Variants in FAT3 observed in about 807,000 individuals in gnomAD.
FAT3 encodes FAT atypical cadherin 3, also known as protocadherin Fat 3.
Under a neutral mutation model 310.2 loss-of-function variants are expected in FAT3, and 95 were observed. That is an observed-to-expected ratio of 0.31 (90% CI 0.26 to 0.36). The LOEUF (loss-of-function observed/expected upper bound fraction) is 0.36. Among genes scored for constraint, FAT3 ranks in the 10% least tolerant of loss-of-function variants. The pLI is 1.00. For synonymous variants in FAT3, 2,314 were observed against 2,192.9 expected (o/e 1.06, Z -1.54); for missense variants, 5,408 against 5,715.6 (o/e 0.95, Z 1.74).
chr11:92,760,754 G>A (rs1229210741), intron 4 of FAT3, among the ~76,000 whole-genome samples: 1 of 152,174 alleles, frequency 6.6e-6, no homozygotes, highest in African/African-American at 2.4e-5. Context: ...CTATCGACAT[G>A]TTAGGTGTTA....
chr11:92,452,854 C>T (rs1476484061), intron 2 of FAT3, among the ~76,000 whole-genome samples: 1 of 152,114 alleles, frequency 6.6e-6, no homozygotes, highest in Non-Finnish European at 1.5e-5. Flanking sequence ...CCTTGACCTT[C>T]TCCCCACAAC....
intron 4 of FAT3, among the ~76,000 whole-genome samples, chr11:92,706,154 C>T (rs930998278): frequency 1.3e-5 from 2 of 151,882 alleles, no homozygotes; most frequent in African/African-American, 4.8e-5. Context: ...GTTTACTATT[C>T]CTAATTTTAC....
At chr11:92,626,779 C>T (rs937344825) in intron 3 of FAT3, among the ~76,000 whole-genome samples, 18 of 152,148 alleles carry the variant, frequency 1.2e-4, no homozygotes, top group Non-Finnish European at 2.6e-4. Context: ...TGTCACAGGG[C>T]TGTCAGGGCA....
At chr11:92,576,957 TAC>T (rs1362679504) in intron 3 of FAT3, among the ~76,000 whole-genome samples, 1 of 152,162 alleles carries the variant, frequency 6.6e-6, no homozygotes, top group African/African-American at 2.4e-5. Flanking sequence ...CACTATGCTG[TAC>T]ACAGTTTATT....
rs149118545 is a variant in FAT3 at position 92,800,383 on chromosome 11, G to A, written c.7370G>A (p.Arg2457Gln). 199 of 1,613,902 alleles carry A rather than the reference G, an allele frequency of 1.2e-4. No homozygotes were observed. In the African/African-American group the frequency reaches 1.6e-3, roughly 13 times the overall value. ...KSGVITLSNH[R>Q]KQRMEPLYSL... ...GGAGTTATCACATTGTCCAACCATCGGAAGCAGCGGATGGAGCCTCTGTAC... is the reference window on the plus strand; with the variant it reads ...GGAGTTATCACATTGTCCAACCATCAGAAGCAGCGGATGGAGCCTCTGTAC... Residue 2457 changes from arginine (R) to glutamine (Q), a missense_variant, in exon 10 of 28, where the codon CGG (arginine) becomes CAG (glutamine). Arg to Gln is a conservative substitution (Grantham distance 43, BLOSUM62 1). Around this residue, in one of 5 missense-constraint regions of FAT3, gnomAD observed 4,588 missense variants for 4,809.8 expected, o/e 0.95. Transcript: ENST00000525166.
intron 6 of FAT3, among the ~76,000 whole-genome samples, chr11:92,767,578 G>T (rs922032005): frequency 4.6e-5 from 7 of 152,162 alleles, no homozygotes; most frequent in Non-Finnish European, 7.3e-5. Context: ...CCAGCTGCCT[G>T]ACCCTAGTTA....
intron 3 of FAT3, among the ~76,000 whole-genome samples, chr11:92,537,932 G>A (rs181432030): frequency 6.6e-6 from 1 of 152,138 alleles, no homozygotes; most frequent in East Asian, 1.9e-4. Flanking sequence ...GGTAAGTGGG[G>A]GAGATATCAG....
chr11:92,240,106 A>G (rs1047887638), intron 1 of FAT3, among the ~76,000 whole-genome samples: 1 of 152,118 alleles, frequency 6.6e-6, no homozygotes, highest in Non-Finnish European at 1.5e-5. Flanking sequence ...TTATGACAGA[A>G]ATGAGCAGAT....
At position 92,883,171 on chromosome 11, in the gene FAT3, C is replaced by G. The variant is rs948202155; in HGVS notation, c.12715C>G (p.Pro4239Ala). The G allele has an allele frequency of 6.2e-7, 1 of 1,613,542 alleles. No homozygotes were observed. Among genetic ancestry groups the G allele is most frequent in the Non-Finnish European group, 8.5e-7 (1 of 1,179,844 alleles). ...CCCCGTGCGCCCCATGGCCTACACA[C>G]CCTGCTTCCAGAGTGACTCCAGGAG... ...QVPVRPMAYTPCFQSDSRSNL... is the reference protein window; with the variant it reads ...QVPVRPMAYTACFQSDSRSNL... Residue 4239 changes from proline to alanine, a missense_variant, in exon 24 of 28, where the codon CCC becomes GCC. Physicochemically the swap from Pro to Ala is conservative, Grantham distance 27 (BLOSUM62 -1). Coordinates refer to ENST00000525166, the MANE Select transcript of FAT3 (RefSeq NM_001367949.2). The surrounding 1 kb of genome is among the most constrained non-coding windows in gnomAD (Gnocchi z 4.2).
Position 92,355,196 on chromosome 11 carries a change from G to T in FAT3, c.3084G>T (p.Glu1028Asp). 6.2e-7 allele frequency: 1 copy of T among 1,613,708 alleles called. No individual in the cohort carries two copies. Residue 1028 changes from glutamate to aspartate, a missense_variant, in exon 2 of 28, where the codon GAG becomes GAT. By Grantham distance (45) the Glu-to-Asp change is conservative. Coordinates refer to ENST00000525166, the MANE Select transcript of FAT3 (RefSeq NM_001367949.2). ...CTCTGTCATCTGTTTCCTTTGTTGA[G>T]GTGGAAGTGGTGGATGTCAATGAAA... is the stretch of plus-strand genomic sequence containing the variant. ...PVSLSSVSFV[E>D]VEVVDVNENL...
chr11:92,765,148 G>GTA, intron 6 of FAT3, 59 bp downstream of exon 6: 2 of 1,069,996 alleles, frequency 1.9e-6, no homozygotes, highest in Non-Finnish European at 2.4e-6. Context: ...GAAGCAACTA[G>GTA]GAAAAAAAAA....
Position 92,524,689 on chromosome 11 carries a change from A to G in FAT3, c.3348A>G (p.Leu1116=). The change falls in exon 3 of 28, where the codon CTA becomes CTG. Residue 1116 remains leucine (L), a synonymous_variant. Coordinates refer to ENST00000525166, the MANE Select transcript of FAT3 (RefSeq NM_001367949.2). Reference sequence around the variant, plus strand: ...GGGAGACAATGGGGTCATACTGGCTAACAGTGTATGCCACAGACAGGGGCG... The same window carrying G: ...GGGAGACAATGGGGTCATACTGGCTGACAGTGTATGCCACAGACAGGGGCG... ...LDRETMGSYW[L]TVYATDRGVV... 1 of 1,613,850 alleles carries G rather than the reference A, an allele frequency of 6.2e-7. No individual in the cohort carries two copies. The highest frequency in any genetic ancestry group is 8.5e-7 in the Non-Finnish European group (1 of 1,179,824).
intron 4 of FAT3, among the ~76,000 whole-genome samples, chr11:92,730,571 G>C (rs1486022246): frequency 6.6e-6 from 1 of 152,094 alleles, no homozygotes; most frequent in Non-Finnish European, 1.5e-5. Flanking sequence ...GGTTTATACA[G>C]AATTTAAGTT....
At chr11:92,645,392 T>C (rs2135740238) in intron 3 of FAT3, among the ~76,000 whole-genome samples, 1 of 152,242 alleles carries the variant, frequency 6.6e-6, no homozygotes, top group Non-Finnish European at 1.5e-5. Flanking sequence ...CTACGCTGGT[T>C]AGGGAATAAC....
At chr11:92,852,477 G>A (rs563198312) in intron 19 of FAT3, among the ~76,000 whole-genome samples, 1 of 152,202 alleles carries the variant, frequency 6.6e-6, no homozygotes, top group South Asian at 2.1e-4. Context: ...AAATGTTTAT[G>A]GCTGAGCATT....
intron 3 of FAT3, among the ~76,000 whole-genome samples, chr11:92,644,018 A>G (rs1385652521): frequency 6.6e-6 from 1 of 152,206 alleles, no homozygotes; most frequent in African/African-American, 2.4e-5. Flanking sequence ...CATATCAGGG[A>G]GAATAAAGTG....
rs149688073 is a variant in FAT3 at position 92,755,672 on chromosome 11, A to T, written c.3670-6184A>T. 2.6e-3 allele frequency among the ~76,000 whole-genome samples: 402 copies of T among 152,354 alleles called. 1 individual carries two copies. Among genetic ancestry groups the T allele is most frequent in the African/African-American group, 9.2e-3 (383 of 41,576 alleles). On this transcript the variant is annotated intron_variant, in intron 4 of 27. Coordinates refer to ENST00000525166, the MANE Select transcript of FAT3 (RefSeq NM_001367949.2). ...AAGTATTTGCAATTTTTATTTGTCA[A>T]CTAAAAAAATTAGGTAGAGCTTTCT...
intron 13 of FAT3, among the ~76,000 whole-genome samples, chr11:92,815,205 T>C (rs960354079): frequency 1.3e-5 from 2 of 152,096 alleles, no homozygotes; most frequent in Non-Finnish European, 2.9e-5. Context: ...AACCAGGGAC[T>C]AGGAAAGCTC....
At chr11:92,489,083 C>T (rs1449469141) in intron 2 of FAT3, among the ~76,000 whole-genome samples, 2 of 151,972 alleles carry the variant, frequency 1.3e-5, no homozygotes, top group African/African-American at 4.8e-5. Flanking sequence ...GTGGTGGTTG[C>T]ATTTTGTGTT....
Sources: gnomAD v4.1 joint callset for allele counts (sites outside exome capture counted in the v4.1 genomes callset) on GRCh38, gnomAD v4.1.1 for gene constraint, gnomAD v4.1.1 regional missense constraint, Gnocchi (gnomAD v3.1) non-coding constraint, MANE v1.5 for transcripts, NCBI Gene and HGNC (gene_info 2026-07-23, HGNC 2026-07-21) for gene names.